Variants in LRP8 observed in about 807,000 individuals in gnomAD.
LRP8 encodes the protein low-density lipoprotein receptor-related protein 8.
LRP8 carries 46 observed loss-of-function variants against 111.6 expected under a neutral mutation model. The observed-to-expected ratio is 0.41, with a 90% CI of 0.33 to 0.53. The LOEUF (loss-of-function observed/expected upper bound fraction) is 0.53, where lower values mean the gene tolerates loss of function less well. Among genes scored for constraint, LRP8 ranks in the 20% least tolerant of loss-of-function variants. LRP8 has a pLI of 0.20. For synonymous variants in LRP8, 464 were observed against 511.2 expected (o/e 0.91, Z 1.24); for missense variants, 959 against 1,297.4 (o/e 0.74, Z 4.01).
chr1:53,274,707 T>G, intron 6 of LRP8: 1 of 456,282 alleles, frequency 2.2e-6, no homozygotes. Context: ...CACCACACTT[T>G]CAGAAGCTCA....
intron 6 of LRP8, chr1:53,274,753 C>T (rs114552136): frequency 7.9e-4 from 360 of 456,334 alleles, no homozygotes; most frequent in African/African-American, 6.8e-3. Flanking sequence ...GCACATCACA[C>T]ACTTTCCCGC....
chr1:53,282,083 C>T (rs1378649048), intron 3 of LRP8, among the ~76,000 whole-genome samples: 2 of 152,216 alleles, frequency 1.3e-5, no homozygotes, highest in South Asian at 2.1e-4. Context: ...TGATCTCAGA[C>T]CAGTTTCTCC....
rs758058674 is a variant in LRP8 at position 53,262,221 on chromosome 1, C to G, written c.1775-14G>C. ...GGCTCAGCAGATCTTGGGAAGGAAG[C>G]AGGATCAGGTCATGAACCTGGGACC... On this transcript the variant is annotated splice_polypyrimidine_tract_variant and intron_variant, in intron 11 of 18. Transcript: ENST00000306052. The surrounding 1 kb of genome is among the most constrained non-coding windows in gnomAD (Gnocchi z 4.8). 1.5e-5 allele frequency: 24 copies of G among 1,612,702 alleles called. No individual in the cohort carries two copies. Among genetic ancestry groups the G allele is most frequent in the Non-Finnish European group, 1.9e-5 (22 of 1,179,966 alleles).
At chr1:53,319,438 C>T (rs1654210094) in intron 2 of LRP8, among the ~76,000 whole-genome samples, 1 of 152,176 alleles carries the variant, frequency 6.6e-6, no homozygotes, top group Non-Finnish European at 1.5e-5. Flanking sequence ...ACTGTGTGCA[C>T]CACATGAGCC....
intron 2 of LRP8, among the ~76,000 whole-genome samples, chr1:53,295,308 A>G (rs1487198071): frequency 1.3e-5 from 2 of 152,216 alleles, no homozygotes; most frequent in Non-Finnish European, 2.9e-5. Flanking sequence ...AGGAGCGAGC[A>G]GAGTGACCAT....
Position 53,292,439 on chromosome 1 carries a change from C to A in LRP8, c.245-2750G>T, listed in dbSNP as rs1482304445. Among the ~76,000 whole-genome samples, 3 of 152,174 alleles carry A rather than the reference C, an allele frequency of 2.0e-5. No individual in the cohort carries two copies. In the East Asian group the frequency reaches 5.8e-4, roughly 29 times the overall value. ...CAGCCCAGGGCTCTGGAGAGGCCCT[C>A]CCTGTTTCCTGCACTGAGAGGTCAT... On this transcript the variant is annotated intron_variant, in intron 2 of 18. Transcript: ENST00000306052.
At position 53,271,392 on chromosome 1, in the gene LRP8, G is replaced by T. The variant is rs755095791; in HGVS notation, c.1007-46C>A. Reference sequence around the variant, plus strand: ...CTGAAGGTCCAGGAGCCCAGGAGGAGTGGGGGCAGGGCAGGGGTAGGACCT... The same window carrying T: ...CTGAAGGTCCAGGAGCCCAGGAGGATTGGGGGCAGGGCAGGGGTAGGACCT... On this transcript the variant is annotated intron_variant, in intron 6 of 18. Coordinates refer to ENST00000306052, the MANE Select transcript of LRP8 (RefSeq NM_004631.5). 11 of 1,612,230 alleles carry T rather than the reference G, an allele frequency of 6.8e-6. No homozygotes were observed. The Middle Eastern group carries it at 6.6e-4, about 97-fold the overall frequency.
At chr1:53,290,528 A>G (rs534456962) in intron 2 of LRP8, among the ~76,000 whole-genome samples, 6 of 152,248 alleles carry the variant, frequency 3.9e-5, no homozygotes, top group African/African-American at 9.6e-5. Context: ...AGCTGAAGGA[A>G]TGGGGTTCTG....
At chr1:53,264,018 C>A (rs1035227576) in intron 10 of LRP8, 151 bp downstream of exon 10, 6 of 726,122 alleles carry the variant, frequency 8.3e-6, no homozygotes, top group South Asian at 1.8e-5. Flanking sequence ...GCCCAGAGAA[C>A]CTTGGTTGGG....
chr1:53,302,435 G>A (rs577717073), intron 2 of LRP8, among the ~76,000 whole-genome samples: 6 of 152,164 alleles, frequency 3.9e-5, no homozygotes, highest in East Asian at 1.9e-4. Flanking sequence ...CACCAAGGTC[G>A]GTGTCCTTGT....
intron 2 of LRP8, among the ~76,000 whole-genome samples, chr1:53,297,545 C>T (rs1395611822): frequency 1.3e-5 from 2 of 152,188 alleles, no homozygotes; most frequent in African/African-American, 2.4e-5. Context: ...TAAATTCGCC[C>T]TCTCCCCCAC....
rs777507878 is a variant in LRP8, at chr1:53,289,532, GCCCA to G, written c.367+31_367+34del. The G allele has an allele frequency of 5.7e-6, 9 of 1,568,730 alleles. No individual in the cohort carries two copies. The South Asian group carries it at 1.0e-4, about 18-fold the overall frequency. On this transcript the variant is annotated intron_variant, in intron 3 of 18. Transcript: ENST00000306052. ...AGGAAGATCTGAGGAGGAAACTGAG[GCCCA>G]CCCCCACCCAGACTGAGGGGCAGGA...
intron 2 of LRP8, among the ~76,000 whole-genome samples, chr1:53,290,180 T>C (rs1160749672): frequency 3.3e-5 from 5 of 152,168 alleles, no homozygotes; most frequent in Admixed American, 3.3e-4. Flanking sequence ...GTATTTTGTG[T>C]TCAGAGCAGT....
chr1:53,301,844 C>G (rs1264061572), intron 2 of LRP8, among the ~76,000 whole-genome samples: 2 of 152,242 alleles, frequency 1.3e-5, no homozygotes, highest in East Asian at 1.9e-4. Flanking sequence ...GAGAGGTGGA[C>G]CTTCCTTCAG....
At chr1:53,307,758 A>G (rs1652253528) in intron 2 of LRP8, among the ~76,000 whole-genome samples, 1 of 152,240 alleles carries the variant, frequency 6.6e-6, no homozygotes, top group African/African-American at 2.4e-5. Flanking sequence ...GAGGGCTGCC[A>G]TTTAATGCTC....
In LRP8 at chr1:53,250,825, G is replaced by C. The variant is rs1231259711; in HGVS notation, c.2541C>G (p.Ile847Met). 1.2e-6 allele frequency: 2 copies of C among 1,613,990 alleles called. No individual in the cohort carries two copies. The highest frequency in any genetic ancestry group is 2.7e-5 in the African/African-American group (2 of 74,894). ...IALLCMSGYL[I>M]WRNWKRKNTK... ...TGTTCTTCCGCTTCCAGTTTCTCCA[G>C]ATCAGGTATCCACTCATGCACAGGA... The change falls in exon 17 of 19, where the codon ATC (isoleucine) becomes ATG (methionine). Residue 847 changes from isoleucine to methionine, a missense_variant. Ile to Met is a conservative substitution (Grantham distance 10, BLOSUM62 1). Around this residue, in one of 3 missense-constraint regions of LRP8, gnomAD observed 819 missense variants for 1,097.6 expected, o/e 0.75. Coordinates refer to ENST00000306052, the MANE Select transcript of LRP8 (RefSeq NM_004631.5). This position sits in a 1 kb window ranked among gnomAD's most constrained non-coding sequence, Gnocchi z 4.6.
At chr1:53,300,145 C>T (rs1308329217) in intron 2 of LRP8, among the ~76,000 whole-genome samples, 2 of 152,242 alleles carry the variant, frequency 1.3e-5, no homozygotes, top group Admixed American at 1.3e-4. Context: ...GTTCAACCTG[C>T]CCTGCTACTG....
rs1200272063 is a variant in LRP8 at position 53,243,436 on chromosome 1, T to C, written c.*3582A>G. 6.6e-6 allele frequency: 1 copy of C among 152,244 alleles called. No individual in the cohort carries two copies. The highest frequency in any genetic ancestry group is 6.5e-5 in the Admixed American group (1 of 15,282). The allele number at this position is 152,244 out of a possible 1,614,324, so 9.4% of individuals were successfully genotyped here. The stretch of plus-strand genomic sequence containing the variant: ...ATGAAAAGCAGTCAGCATTTCCCTT[T>C]GGCCACTGGAAAGCTTGAGGCTGAA... On this transcript the variant is annotated 3_prime_UTR_variant, in exon 19 of 19. Transcript: ENST00000306052.
intron 13 of LRP8, 57 bp downstream of exon 13, chr1:53,260,407 G>A (rs1234682538): frequency 1.3e-6 from 2 of 1,573,100 alleles, no homozygotes; most frequent in East Asian, 4.5e-5. Context: ...CTGGTGAAAG[G>A]AGAGGACACA....
Sources: gnomAD v4.1 joint callset for allele counts (sites outside exome capture counted in the v4.1 genomes callset) on GRCh38, gnomAD v4.1.1 for gene constraint, gnomAD v4.1.1 regional missense constraint, Gnocchi (gnomAD v3.1) non-coding constraint, MANE v1.5 for transcripts, NCBI Gene and HGNC (gene_info 2026-07-23, HGNC 2026-07-21) for gene names.